The following DNAJC15 variants were observed in gnomAD, a reference collection of about 807,000 sequenced individuals.
DNAJC15 encodes the protein DnaJ heat shock protein family (Hsp40) member C15, also known as dnaJ homolog subfamily C member 15.
DNAJC15 carries 27 observed loss-of-function variants against 22.4 expected under a neutral mutation model. The ratio of observed to expected loss-of-function variants is 1.20; its 90% CI spans 0.89 to 1.66. DNAJC15 has a LOEUF of 1.66. DNAJC15 is among the 40% of genes most tolerant of loss of function. The probability of loss-of-function intolerance (pLI) is 0.00; values close to 1 mark genes in which losing one functional copy is unlikely to be tolerated. For missense variants in DNAJC15, 208 were observed against 187.1 expected (o/e 1.11, Z -0.65); for synonymous variants, 79 against 63.2 (o/e 1.25, Z -1.19).
chr13:43,041,304 C>A (rs557943096), intron 1 of DNAJC15, among the ~76,000 whole-genome samples: 1 of 152,228 alleles, frequency 6.6e-6, no homozygotes, highest in Non-Finnish European at 1.5e-5. Flanking sequence ...TTTAACAAAG[C>A]ACATCTTGCA....
At position 43,036,205 on chromosome 13, in the gene DNAJC15, A is replaced by G. The variant is rs2040428110; in HGVS notation, c.108+12471A>G. ...TTTTTTGAGACAGGGTCTCACTGTCATCCAGGCTGGAGTGCAGTGATGCAA... is the reference window on the plus strand; with the variant it reads ...TTTTTTGAGACAGGGTCTCACTGTCGTCCAGGCTGGAGTGCAGTGATGCAA... On this transcript the variant is annotated intron_variant, in intron 1 of 5. Transcript: ENST00000379221. Among the ~76,000 whole-genome samples the G allele has an allele frequency of 2.2e-5, 3 of 133,806 alleles. 1 individual carries two copies. The South Asian group carries it at 6.8e-4, about 30-fold the overall frequency. The allele number at this position is 133,806 out of a possible 152,430, so 87.8% of individuals were successfully genotyped here. A position where few individuals can be genotyped will look rare whatever the true frequency, so the allele number is the denominator to read the frequency against.
intron 3 of DNAJC15, among the ~76,000 whole-genome samples, chr13:43,073,885 TTAA>T (rs747149901): frequency 3.7e-4 from 56 of 151,852 alleles, no homozygotes; most frequent in Non-Finnish European, 6.5e-4. Flanking sequence ...AATTAATGTA[TTAA>T]TGTATATTAT....
At position 43,038,787 on chromosome 13, in the gene DNAJC15, G is replaced by A. The variant is rs138411996; in HGVS notation, c.108+15053G>A. 1.2e-4 allele frequency among the ~76,000 whole-genome samples: 16 copies of A among 133,430 alleles called. No homozygotes were observed. In the East Asian group the frequency reaches 3.2e-3, roughly 26 times the overall value. 87.5% of individuals were successfully genotyped at this position (133,430 alleles called of 152,430 possible). A position where few individuals can be genotyped will look rare whatever the true frequency, so the allele number is the denominator to read the frequency against. ...AGCATGGGCGACAAAGCGAGACTCTGTCTCAAAAAATAGGAAAAAAAAAAA... is the reference window on the plus strand; with the variant it reads ...AGCATGGGCGACAAAGCGAGACTCTATCTCAAAAAATAGGAAAAAAAAAAA... On this transcript the variant is annotated intron_variant, in intron 1 of 5. Transcript: ENST00000379221.
chr13:43,075,534 G>A (rs548286464), intron 3 of DNAJC15, among the ~76,000 whole-genome samples: 1 of 152,256 alleles, frequency 6.6e-6, no homozygotes, highest in East Asian at 1.9e-4. Context: ...AAAAGTAGGA[G>A]CAAATATTTG....
At chr13:43,070,166 GAAT>G (rs1161588530) in intron 3 of DNAJC15, among the ~76,000 whole-genome samples, 1 of 152,110 alleles carries the variant, frequency 6.6e-6, no homozygotes, top group Non-Finnish European at 1.5e-5. Context: ...AGTTAGCCAT[GAAT>G]AATGACAGCA....
intron 1 of DNAJC15, among the ~76,000 whole-genome samples, chr13:43,056,679 T>TA (rs2040533228): frequency 6.6e-6 from 1 of 152,178 alleles, no homozygotes; most frequent in African/African-American, 2.4e-5. Context: ...GGTCTAATAG[T>TA]AAATTTGGGA....
chr13:43,068,239 C>T (rs997146164), intron 2 of DNAJC15, among the ~76,000 whole-genome samples: 1 of 152,076 alleles, frequency 6.6e-6, no homozygotes, highest in East Asian at 1.9e-4. Context: ...TAATATTTTA[C>T]TCTTATTTGA....
intron 5 of DNAJC15, among the ~76,000 whole-genome samples, chr13:43,103,643 T>C (rs2040781934): frequency 1.3e-5 from 2 of 152,248 alleles, no homozygotes; most frequent in Admixed American, 6.5e-5. Flanking sequence ...ATCTTGTATG[T>C]GTGTCAGTTA....
rs2040802218 is a variant in DNAJC15, at chr13:43,107,317, T to C, written c.*69T>C. 7.6e-7 allele frequency: 1 copy of C among 1,322,996 alleles called. No individual in the cohort carries two copies. The highest frequency in any genetic ancestry group is 3.1e-5 in the Admixed American group (1 of 32,120). 82.0% of individuals were successfully genotyped at this position (1,322,996 alleles called of 1,614,324 possible). ...AAAAAAAAAAAAGCCCTGCAAAATA[T>C]TCTAAAACATGGTCTTCTTAATTTT... On this transcript the variant is annotated 3_prime_UTR_variant, in exon 6 of 6. Transcript: ENST00000379221.
intron 5 of DNAJC15, among the ~76,000 whole-genome samples, chr13:43,105,245 C>G (rs2040790769): frequency 6.6e-6 from 1 of 152,048 alleles, no homozygotes; most frequent in Non-Finnish European, 1.5e-5. Context: ...GTTGCTGCCA[C>G]CACTATACCA....
chr13:43,057,504 GTA>G (rs1022336951), intron 1 of DNAJC15, among the ~76,000 whole-genome samples: 1 of 151,914 alleles, frequency 6.6e-6, no homozygotes, highest in Non-Finnish European at 1.5e-5. Context: ...TCCATATACT[GTA>G]TTATATTTTA....
At chr13:43,024,337 GTT>G (rs376910976) in intron 1 of DNAJC15, among the ~76,000 whole-genome samples, 4 of 93,400 alleles carry the variant, frequency 4.3e-5, no homozygotes, top group African/African-American at 1.7e-4. Context: ...GTATTTTTAC[GTT>G]TTTTTTTTTT....
intron 4 of DNAJC15, 95 bp from the exon 5 acceptor site, chr13:43,085,673 T>A: frequency 1.1e-6 from 1 of 906,326 alleles, no homozygotes; most frequent in Non-Finnish European, 1.7e-6. Context: ...GGTGAAATTC[T>A]CATTAGGTAT....
rs2040818950 is a variant in DNAJC15, at chr13:43,110,386, G to A, written c.*3138G>A. On this transcript the variant is annotated 3_prime_UTR_variant, in exon 6 of 6. Transcript: ENST00000379221. The stretch of plus-strand genomic sequence containing the variant: ...GCCTAAGAATTACAGAGCCTGCCTC[G>A]ATTCAAAGGGAGAGGATAGAGAGGA... 2 of 152,120 alleles carry A rather than the reference G, an allele frequency of 1.3e-5. No homozygotes were observed. Among genetic ancestry groups the A allele is most frequent in the South Asian group, 2.1e-4 (1 of 4,826 alleles). 9.4% of individuals were successfully genotyped at this position (152,120 alleles called of 1,614,324 possible).
At chr13:43,083,283 T>C (rs9562461) in intron 4 of DNAJC15, among the ~76,000 whole-genome samples, 32,155 of 151,870 alleles carry the variant, frequency 0.21, 3,566 homozygotes, top group South Asian at 0.38. Flanking sequence ...TTTTCCTGCC[T>C]CAGCCTCCCG....
intron 1 of DNAJC15, among the ~76,000 whole-genome samples, chr13:43,032,597 G>A (rs1227554451): frequency 2.0e-5 from 3 of 152,190 alleles, no homozygotes; most frequent in African/African-American, 7.2e-5. Context: ...GCCAAGGTGA[G>A]CACATCACTT....
chr13:43,075,056 T>C (rs896430962), intron 3 of DNAJC15, among the ~76,000 whole-genome samples: 1 of 152,124 alleles, frequency 6.6e-6, no homozygotes, highest in African/African-American at 2.4e-5. Flanking sequence ...ATACTGAGGG[T>C]TGAATGTATT....
chr13:43,045,449 C>T (rs1454559911), intron 1 of DNAJC15, among the ~76,000 whole-genome samples: 2 of 152,168 alleles, frequency 1.3e-5, no homozygotes, highest in Non-Finnish European at 2.9e-5. Context: ...CTTTTACGGG[C>T]ACACAACACT....
intron 5 of DNAJC15, among the ~76,000 whole-genome samples, chr13:43,100,860 T>A (rs2040765437): frequency 1.3e-5 from 2 of 152,204 alleles, no homozygotes; most frequent in African/African-American, 4.8e-5. Flanking sequence ...GGGTATTAGC[T>A]GGTATTTATT....
Sources: allele counts gnomAD v4.1 joint callset (sites outside exome capture counted in the v4.1 genomes callset), GRCh38; gene constraint gnomAD v4.1.1; transcripts MANE v1.5; gene names NCBI Gene and HGNC (gene_info 2026-07-23, HGNC 2026-07-21).